The following RPH3AL variants were observed in gnomAD, a reference collection of about 807,000 sequenced individuals.
The protein encoded by RPH3AL is rabphilin 3A like (without C2 domains).
RPH3AL carries 38 observed loss-of-function variants against 43.1 expected under a neutral mutation model. The ratio of observed to expected loss-of-function variants is 0.88; its 90% CI spans 0.68 to 1.15. The LOEUF is 1.15. RPH3AL is among the 50% of genes most tolerant of loss of function. The pLI, the probability that RPH3AL is intolerant of heterozygous loss-of-function variation, is 0.00. For synonymous variants in RPH3AL, 189 were observed against 176.3 expected, an observed-to-expected ratio of 1.07 and a Z score of -0.57; for missense variants, 462 against 423.2, an observed-to-expected ratio of 1.09 and a Z score of -0.81.
intron 5 of RPH3AL, among the ~76,000 whole-genome samples, chr17:291,316 G>A (rs1301106141): frequency 6.6e-6 from 1 of 152,122 alleles, no homozygotes; most frequent in Non-Finnish European, 1.5e-5. Flanking sequence ...GAGGTGGGGG[G>A]ATTTCTTGAG....
intron 7 of RPH3AL, among the ~76,000 whole-genome samples, chr17:228,511 C>T (rs563536057): frequency 1.3e-5 from 2 of 152,296 alleles, no homozygotes; most frequent in Non-Finnish European, 1.5e-5. Context: ...CTGGAACTCA[C>T]GGGCCCACAC....
At chr17:253,468 A>G (rs1428771157) in intron 6 of RPH3AL, among the ~76,000 whole-genome samples, 1 of 152,284 alleles carries the variant, frequency 6.6e-6, no homozygotes, top group East Asian at 1.9e-4. Flanking sequence ...GCACCGGACC[A>G]CGGTTTTGGC....
At position 216,948 on chromosome 17, in the gene RPH3AL, C is replaced by A. The variant is rs531970022; in HGVS notation, c.728-1146G>T. 2.0e-5 allele frequency among the ~76,000 whole-genome samples: 3 copies of A among 152,256 alleles called. 1 individual carries two copies. The South Asian group carries it at 6.2e-4, about 32-fold the overall frequency. The stretch of plus-strand genomic sequence containing the variant: ...TCCATTCCCAACCCAGTCTTGGTCC[C>A]AAGACAGGACCCCCAAGGCATTTCA... On this transcript the variant is annotated intron_variant, in intron 8 of 9. Transcript: ENST00000331302.
Position 213,080 on chromosome 17 carries a change from C to G in RPH3AL, c.*772G>C, listed in dbSNP as rs1471315376. ...ACCAGCCTGGCCAACATGGAGAAAC[C>G]CCATCTCTTCTAAAAATACAAAAAT... On this transcript the variant is annotated 3_prime_UTR_variant, in exon 10 of 10. Coordinates refer to ENST00000331302, the MANE Select transcript of RPH3AL (RefSeq NM_006987.4). The G allele has an allele frequency of 6.6e-6, 1 of 152,276 alleles. No individual in the cohort carries two copies. The highest frequency in any genetic ancestry group is 2.4e-5 in the African/African-American group (1 of 41,380). 9.4% of individuals were successfully genotyped at this position (152,276 alleles called of 1,614,324 possible). A position where few individuals can be genotyped will look rare whatever the true frequency, so the allele number is the denominator to read the frequency against.
intron 1 of RPH3AL, among the ~76,000 whole-genome samples, chr17:352,297 C>A (rs1217071712): frequency 1.3e-5 from 2 of 152,202 alleles, no homozygotes; most frequent in Admixed American, 6.5e-5. Flanking sequence ...CTCTGCCTGA[C>A]CCCAGGCCCA....
chr17:234,265 T>C (rs28721530), intron 7 of RPH3AL: 66 of 86,752 alleles, frequency 7.6e-4, no homozygotes, highest in South Asian at 2.3e-3. Context: ...CCAACTTCCC[T>C]GAGCAGGGAG....
At chr17:218,874 T>C (rs897988571) in intron 8 of RPH3AL, among the ~76,000 whole-genome samples, 12 of 152,184 alleles carry the variant, frequency 7.9e-5, no homozygotes, top group African/African-American at 2.9e-4. Flanking sequence ...ATGGCAGGAC[T>C]GACCTAGTGC....
intron 5 of RPH3AL, among the ~76,000 whole-genome samples, chr17:292,795 C>T (rs761214403): frequency 2.3e-4 from 35 of 152,152 alleles, no homozygotes; most frequent in African/African-American, 7.7e-4. Flanking sequence ...TCTTCCCATT[C>T]GTTAGGACAC....
intron 5 of RPH3AL, among the ~76,000 whole-genome samples, chr17:316,861 T>C (rs2044244905): frequency 6.8e-6 from 1 of 147,362 alleles, no homozygotes; most frequent in Non-Finnish European, 1.5e-5. Flanking sequence ...CAGTGATGTG[T>C]AGTCCCTGTG....
chr17:265,206 C>G (rs2042292527), intron 6 of RPH3AL, among the ~76,000 whole-genome samples: 5 of 152,182 alleles, frequency 3.3e-5, no homozygotes, highest in African/African-American at 1.2e-4. Context: ...CCCACCTAGG[C>G]TTCCCGAGTA....
intron 5 of RPH3AL, among the ~76,000 whole-genome samples, chr17:305,373 G>A (rs531425464): frequency 6.6e-6 from 1 of 152,144 alleles, no homozygotes; most frequent in African/African-American, 2.4e-5. Context: ...CGGGAGGGTG[G>A]GGTGGTGCCT....
chr17:263,603 T>C lies in RPH3AL; in HGVS notation c.439-16318A>G, dbSNP rs573764180. On this transcript the variant is annotated intron_variant, in intron 6 of 9. Coordinates refer to ENST00000331302, the MANE Select transcript of RPH3AL (RefSeq NM_006987.4). ...TAACAGATTGGTAATTGGATGCTGATATTATTAAATCCTCGGTCTGCACGG... is the reference window on the plus strand; with the variant it reads ...TAACAGATTGGTAATTGGATGCTGACATTATTAAATCCTCGGTCTGCACGG... Among the ~76,000 whole-genome samples the C allele has an allele frequency of 3.9e-5, 6 of 152,344 alleles. No individual in the cohort carries two copies. In the South Asian group the frequency reaches 1.2e-3, roughly 32 times the overall value.
At chr17:291,791 A>G (rs1411674136) in intron 5 of RPH3AL, among the ~76,000 whole-genome samples, 1 of 152,190 alleles carries the variant, frequency 6.6e-6, no homozygotes, top group African/African-American at 2.4e-5. Flanking sequence ...CTGTTAAGTT[A>G]AAAAAAGCAC....
In RPH3AL at chr17:258,764, T is replaced by TG. The variant is rs2042130208; in HGVS notation, c.439-11480_439-11479insC. Among the ~76,000 whole-genome samples the TG allele has an allele frequency of 1.3e-5, 2 of 149,878 alleles. 1 individual carries two copies. Among genetic ancestry groups the TG allele is most frequent in the South Asian group, 4.3e-4 (2 of 4,654 alleles). On this transcript the variant is annotated intron_variant, in intron 6 of 9. Coordinates refer to ENST00000331302, the MANE Select transcript of RPH3AL (RefSeq NM_006987.4). Reference sequence around the variant, plus strand: ...TTTTGGGATAGTCAACCCGTTTTTTTTTTTTTTTTTTTTTGAGACAGGGTC... The same window carrying TG: ...TTTTGGGATAGTCAACCCGTTTTTTTGTTTTTTTTTTTTTTGAGACAGGGTC...
chr17:259,653 C>T lies in RPH3AL; in HGVS notation c.439-12368G>A, dbSNP rs190677535. 1.8e-3 allele frequency among the ~76,000 whole-genome samples: 274 copies of T among 152,274 alleles called. 1 individual carries two copies. The highest frequency in any genetic ancestry group is 2.9e-3 in the Non-Finnish European group (197 of 68,020). On this transcript the variant is annotated intron_variant, in intron 6 of 9. Transcript: ENST00000331302. ...CACGTGTGGTTTGCTGTGATAAGGCCGGCAAAGCAGCCAGCCTTGAAAATG... is the reference window on the plus strand; with the variant it reads ...CACGTGTGGTTTGCTGTGATAAGGCTGGCAAAGCAGCCAGCCTTGAAAATG...
chr17:228,808 G>A (rs186499274), intron 7 of RPH3AL, among the ~76,000 whole-genome samples: 555 of 152,084 alleles, frequency 3.6e-3, no homozygotes, highest in Non-Finnish European at 5.9e-3. Flanking sequence ...GTCCCCTCTC[G>A]GTCTCCCCAC....
At chr17:235,945 A>G (rs112811984) in intron 7 of RPH3AL, among the ~76,000 whole-genome samples, 1,314 of 60,470 alleles carry the variant, frequency 0.022, 22 homozygotes, top group Middle Eastern at 0.06. Flanking sequence ...CTAACAAGAC[A>G]GATCCAGGGT....
At chr17:327,783 G>T (rs1440664025) in intron 2 of RPH3AL, among the ~76,000 whole-genome samples, 1 of 152,200 alleles carries the variant, frequency 6.6e-6, no homozygotes, top group Non-Finnish European at 1.5e-5. Context: ...GATTCTAGGA[G>T]GGTGACCAGG....
intron 1 of RPH3AL, among the ~76,000 whole-genome samples, chr17:340,551 CCCACCCA>C (rs2045090699): frequency 1.6e-3 from 3 of 1,886 alleles, no homozygotes; most frequent in Admixed American, 5.2e-3. Context: ...CTCACTGCCC[CCCACCCA>C]GGCCTCCCCA....
Sources: allele counts gnomAD v4.1 joint callset (sites outside exome capture counted in the v4.1 genomes callset), GRCh38; gene constraint gnomAD v4.1.1; transcripts MANE v1.5; gene names NCBI Gene and HGNC (gene_info 2026-07-23, HGNC 2026-07-21).